The following DENND1A variants were observed in gnomAD, a reference collection of about 807,000 sequenced individuals.
DENND1A encodes DENN domain-containing protein 1A.
DENND1A carries 51 observed loss-of-function variants against 113.7 expected under a neutral mutation model. The observed-to-expected ratio is 0.45, with a 90% CI of 0.36 to 0.57. The LOEUF (loss-of-function observed/expected upper bound fraction) is 0.57, where lower values mean the gene tolerates loss of function less well. Among genes scored for constraint, DENND1A ranks in the 20% least tolerant of loss-of-function variants. The pLI, the probability that DENND1A is intolerant of heterozygous loss-of-function variation, is 0.00. For missense variants in DENND1A, 1,258 were observed against 1,395.9 expected (o/e 0.90, Z 1.57); for synonymous variants, 565 against 570.8 (o/e 0.99, Z 0.14).
chr9:123,552,018 CGAGAGAGAGAGAGAGA>C, intron 13 of DENND1A, among the ~76,000 whole-genome samples: 1 of 118,658 alleles, frequency 8.4e-6, no homozygotes, highest in South Asian at 2.8e-4. Context: ...AGAGCGAGAG[CGAGAGAGAGAGAGAGA>C]GAGACAGAGA....
chr9:123,780,134 G>A (rs749022171), intron 3 of DENND1A, among the ~76,000 whole-genome samples: 78 of 152,236 alleles, frequency 5.1e-4, no homozygotes, highest in African/African-American at 1.4e-3. Context: ...GATTACAGGC[G>A]TGAGCCACCA....
At chr9:123,450,858 G>C (rs1319226968) in intron 17 of DENND1A, 109 bp from the exon 18 acceptor site, 111 of 797,008 alleles carry the variant, frequency 1.4e-4, no homozygotes, top group Non-Finnish European at 5.2e-5. Flanking sequence ...GAAAAAGGAA[G>C]GAAAAATGGG....
intron 5 of DENND1A, among the ~76,000 whole-genome samples, chr9:123,757,439 T>C (rs960849891): frequency 6.6e-6 from 1 of 152,226 alleles, no homozygotes; most frequent in Non-Finnish European, 1.5e-5. Context: ...GAAGCCACAC[T>C]GACTCTCTGG....
At chr9:123,681,375 T>C (rs938932128) in intron 5 of DENND1A, among the ~76,000 whole-genome samples, 1 of 151,964 alleles carries the variant, frequency 6.6e-6, no homozygotes, top group African/African-American at 2.4e-5. Context: ...TTGAGAATGC[T>C]GTCCGTGATA....
intron 11 of DENND1A, among the ~76,000 whole-genome samples, chr9:123,589,932 G>A (rs977364153): frequency 6.6e-6 from 1 of 152,190 alleles, no homozygotes. Context: ...CTTACTGTAG[G>A]CAACTGGCTT....
chr9:123,448,554 C>A (rs1014283564), intron 18 of DENND1A, among the ~76,000 whole-genome samples: 1 of 152,210 alleles, frequency 6.6e-6, no homozygotes, highest in African/African-American at 2.4e-5. Flanking sequence ...CCTGCCACTC[C>A]ATTTTATATC....
At chr9:123,466,401 G>A (rs1449136219) in intron 13 of DENND1A, among the ~76,000 whole-genome samples, 3 of 150,618 alleles carry the variant, frequency 2.0e-5, no homozygotes, top group African/African-American at 7.3e-5. Flanking sequence ...CTGGGTTCAA[G>A]TGATTATCCT....
intron 19 of DENND1A, among the ~76,000 whole-genome samples, chr9:123,423,946 T>C (rs1260101500): frequency 6.6e-6 from 1 of 152,164 alleles, no homozygotes; most frequent in Non-Finnish European, 1.5e-5. Flanking sequence ...CTGTACATCA[T>C]CCTTGGTGGA....
In DENND1A at chr9:123,475,372, G is replaced by C. The variant is rs578011446; in HGVS notation, c.994-17475C>G. The stretch of plus-strand genomic sequence containing the variant: ...CATAAATAAGTTATTAATAGCATCC[G>C]ATAAACGGTTATTATGATCCCCCTC... On this transcript the variant is annotated intron_variant, in intron 13 of 23. Transcript: ENST00000394215. Among the ~76,000 whole-genome samples, 4 of 152,282 alleles carry C rather than the reference G, an allele frequency of 2.6e-5. No homozygotes were observed. The East Asian group carries it at 7.7e-4, about 29-fold the overall frequency.
intron 13 of DENND1A, among the ~76,000 whole-genome samples, chr9:123,487,753 G>A (rs1177211183): frequency 1.3e-5 from 2 of 152,178 alleles, no homozygotes; most frequent in Non-Finnish European, 2.9e-5. Context: ...GGGGGGCTGG[G>A]GGAACAAAAG....
At chr9:123,726,726 G>T (rs2067737011) in intron 5 of DENND1A, among the ~76,000 whole-genome samples, 2 of 152,112 alleles carry the variant, frequency 1.3e-5, no homozygotes, top group African/African-American at 4.8e-5. Context: ...TCTTAAATAT[G>T]GATTTTTAGC....
At chr9:123,763,728 C>T (rs1433357222) in intron 4 of DENND1A, among the ~76,000 whole-genome samples, 1 of 151,974 alleles carries the variant, frequency 6.6e-6, no homozygotes, top group Middle Eastern at 3.4e-3. Context: ...GAATAGCCAG[C>T]AGAACAAACA....
chr9:123,921,698 C>T (rs1156758314), intron 1 of DENND1A, among the ~76,000 whole-genome samples: 3 of 152,204 alleles, frequency 2.0e-5, no homozygotes, highest in African/African-American at 4.8e-5. Context: ...AGATTCCTTC[C>T]ATTCTCAATG....
chr9:123,555,445 A>G (rs1435698431), intron 13 of DENND1A, among the ~76,000 whole-genome samples: 1 of 152,052 alleles, frequency 6.6e-6, no homozygotes, highest in Non-Finnish European at 1.5e-5. Context: ...AAAATGGCGC[A>G]CTCACTGGCT....
At chr9:123,394,160 TTTTTTA>T (rs1349355229) in intron 21 of DENND1A, among the ~76,000 whole-genome samples, 7 of 151,020 alleles carry the variant, frequency 4.6e-5, no homozygotes, top group Admixed American at 4.6e-4. Context: ...CCTGGCTATT[TTTTTTA>T]TTTTTTATTT....
chr9:123,384,125 C>T lies in DENND1A; in HGVS notation c.1761-212G>A, dbSNP rs115347132. 2.5e-3 allele frequency among the ~76,000 whole-genome samples: 386 copies of T among 152,362 alleles called. 1 individual carries two copies. Among genetic ancestry groups the T allele is most frequent in the African/African-American group, 8.9e-3 (370 of 41,598 alleles). ...ATGGGCCTGGGGCTGTGAACCAGGG[C>T]AACTCGCTTTGGCTCTCACTTGCAC... On this transcript the variant is annotated intron_variant, in intron 22 of 23. Transcript: ENST00000394215.
intron 13 of DENND1A, among the ~76,000 whole-genome samples, chr9:123,517,975 T>A (rs879503725): frequency 3.3e-5 from 5 of 152,150 alleles, no homozygotes; most frequent in Non-Finnish European, 7.4e-5. Context: ...ATGTTACTTT[T>A]ATAATCAGAA....
intron 4 of DENND1A, among the ~76,000 whole-genome samples, chr9:123,765,803 T>G (rs1158933124): frequency 6.6e-6 from 1 of 152,122 alleles, no homozygotes; most frequent in Non-Finnish European, 1.5e-5. Flanking sequence ...TACAGGAATC[T>G]CAACACTGAC....
chr9:123,648,864 G>A (rs1257206256), intron 9 of DENND1A, among the ~76,000 whole-genome samples: 1 of 151,968 alleles, frequency 6.6e-6, no homozygotes, highest in African/African-American at 2.4e-5. Context: ...GCCAATTATT[G>A]ATTCCCCAGA....
Sources: gnomAD v4.1 joint callset for allele counts (sites outside exome capture counted in the v4.1 genomes callset) on GRCh38, gnomAD v4.1.1 for gene constraint, MANE v1.5 for transcripts, NCBI Gene and HGNC (gene_info 2026-07-23, HGNC 2026-07-21) for gene names.